JAKMIP2: variants seen among roughly 807,000 people sequenced by gnomAD.
The protein encoded by JAKMIP2 is janus kinase and microtubule interacting protein 2.
In JAKMIP2, 25 loss-of-function variants were observed where a neutral mutation model predicts 115.0. The observed-to-expected ratio is 0.22, with a 90% CI of 0.16 to 0.30. JAKMIP2 has a LOEUF of 0.30. Among genes scored for constraint, JAKMIP2 ranks in the 10% least tolerant of loss-of-function variants. The pLI, the probability that JAKMIP2 is intolerant of heterozygous loss-of-function variation, is 1.00. For synonymous variants in JAKMIP2, 334 were observed against 343.6 expected, an observed-to-expected ratio of 0.97 and a Z score of 0.31; for missense variants, 642 against 957.6, an observed-to-expected ratio of 0.67 and a Z score of 4.35.
At chr5:147,735,672 G>C (rs777637265) in intron 1 of JAKMIP2, among the ~76,000 whole-genome samples, 1 of 152,122 alleles carries the variant, frequency 6.6e-6, no homozygotes, top group Non-Finnish European at 1.5e-5. Flanking sequence ...ATTATTACAG[G>C]CATCATCTTT....
intron 1 of JAKMIP2, among the ~76,000 whole-genome samples, chr5:147,703,203 T>C (rs1752440666): frequency 6.6e-6 from 1 of 152,150 alleles, no homozygotes; most frequent in African/African-American, 2.4e-5. Flanking sequence ...TAGAATGTAC[T>C]TATACAAACC....
rs75754951 is a variant in JAKMIP2 at position 147,592,900 on chromosome 5, C to T, written c.*21-1214G>A. The stretch of plus-strand genomic sequence containing the variant: ...GGCATATTTGCAGAGCCATTTTGCT[C>T]CCAAGACAAGGTTAGACTGGGATGG... On this transcript the variant is annotated intron_variant, in intron 21 of 21. Coordinates refer to ENST00000616793, the MANE Select transcript of JAKMIP2 (RefSeq NM_001270941.2). Among the ~76,000 whole-genome samples, 948 of 152,218 alleles carry T rather than the reference C, an allele frequency of 6.2e-3. 52 individuals are homozygous for T. The East Asian group carries it at 0.13, about 21-fold the overall frequency.
At chr5:147,651,112 T>C (rs1758375482) in intron 3 of JAKMIP2, among the ~76,000 whole-genome samples, 1 of 152,208 alleles carries the variant, frequency 6.6e-6, no homozygotes, top group Admixed American at 6.5e-5. Context: ...TCATGTGTTA[T>C]ATCTCTTTCT....
At chr5:147,700,454 G>A (rs1325387783) in intron 1 of JAKMIP2, among the ~76,000 whole-genome samples, 1 of 151,998 alleles carries the variant, frequency 6.6e-6, no homozygotes, top group Non-Finnish European at 1.5e-5. Context: ...ATATATACAC[G>A]GTTAAGATAA....
chr5:147,646,706 C>T (rs558887210), intron 5 of JAKMIP2, among the ~76,000 whole-genome samples: 2 of 151,166 alleles, frequency 1.3e-5, no homozygotes, highest in African/African-American at 4.8e-5. Context: ...TGTATATGCA[C>T]ACTAACACTA....
chr5:147,710,023 T>C (rs1304711249), intron 1 of JAKMIP2, among the ~76,000 whole-genome samples: 1 of 152,204 alleles, frequency 6.6e-6, no homozygotes, highest in Non-Finnish European at 1.5e-5. Context: ...CTACTTGTCT[T>C]TGAAATTCTT....
intron 1 of JAKMIP2, among the ~76,000 whole-genome samples, chr5:147,688,131 A>C (rs1760659289): frequency 6.6e-6 from 1 of 152,218 alleles, no homozygotes. Context: ...CTTACAAAGA[A>C]GTCCTGTTCT....
intron 20 of JAKMIP2, among the ~76,000 whole-genome samples, chr5:147,609,786 C>T (rs948663526): frequency 6.6e-6 from 1 of 152,152 alleles, no homozygotes; most frequent in Non-Finnish European, 1.5e-5. Context: ...AACTTAGTTC[C>T]ATTCTCTCCA....
Position 147,782,576 on chromosome 5 carries a change from T to C in JAKMIP2, c.-269A>G. On this transcript the variant is annotated 5_prime_UTR_variant, in exon 1 of 22. Coordinates refer to ENST00000616793, the MANE Select transcript of JAKMIP2 (RefSeq NM_001270941.2). ...CATCAGCAGTGGCTGCCGGTTTTTTTTTTCCCTCTGTCTCTGGTTGGCGAT... is the reference window on the plus strand; with the variant it reads ...CATCAGCAGTGGCTGCCGGTTTTTTCTTTCCCTCTGTCTCTGGTTGGCGAT... The C allele has an allele frequency of 5.6e-6, 6 of 1,071,030 alleles. No homozygotes were observed. Among genetic ancestry groups the C allele is most frequent in the Non-Finnish European group, 8.3e-6 (6 of 723,204 alleles). The allele number at this position is 1,071,030 out of a possible 1,614,324, so 66.3% of individuals were successfully genotyped here.
chr5:147,596,858 T>C (rs997094796), intron 21 of JAKMIP2, among the ~76,000 whole-genome samples: 6 of 152,016 alleles, frequency 3.9e-5, no homozygotes, highest in African/African-American at 1.4e-4. Context: ...AGGAGTAAAA[T>C]TTTCCTACTA....
In JAKMIP2 at chr5:147,716,688, G is replaced by T. The variant is rs1448196467; in HGVS notation, c.-148-44734C>A. ...ATGTCCTTCGCCCACTTTTTGATGG[G>T]GTTGTTTGTTTTTTTCTTGTAAATT... On this transcript the variant is annotated intron_variant, in intron 1 of 21. Transcript: ENST00000616793. Among the ~76,000 whole-genome samples, 6 of 148,854 alleles carry T rather than the reference G, an allele frequency of 4.0e-5. No individual in the cohort carries two copies. In the East Asian group the frequency reaches 1.2e-3, roughly 30 times the overall value.
intron 1 of JAKMIP2, among the ~76,000 whole-genome samples, chr5:147,706,611 T>C (rs1752569662): frequency 6.6e-6 from 1 of 152,220 alleles, no homozygotes; most frequent in African/African-American, 2.4e-5. Flanking sequence ...TAGAAATCTT[T>C]GTATATTCTA....
chr5:147,727,131 T>C (rs569978045), intron 1 of JAKMIP2, among the ~76,000 whole-genome samples: 107 of 152,362 alleles, frequency 7.0e-4, no homozygotes, highest in African/African-American at 2.4e-3. Flanking sequence ...TGGCTTCATT[T>C]CTTGAATCTT....
chr5:147,775,572 A>G (rs908068614), intron 1 of JAKMIP2, among the ~76,000 whole-genome samples: 3 of 152,228 alleles, frequency 2.0e-5, no homozygotes, highest in African/African-American at 7.2e-5. Flanking sequence ...GCATGTAGTG[A>G]GCAGTCTTTA....
At chr5:147,605,752 T>A (rs955419874) in intron 20 of JAKMIP2, among the ~76,000 whole-genome samples, 26 of 152,186 alleles carry the variant, frequency 1.7e-4, no homozygotes, top group African/African-American at 5.8e-4. Flanking sequence ...CCTTGAGGAA[T>A]CACCACACTG....
At chr5:147,779,828 C>A (rs1755692325) in intron 1 of JAKMIP2, among the ~76,000 whole-genome samples, 1 of 152,104 alleles carries the variant, frequency 6.6e-6, no homozygotes, top group South Asian at 2.1e-4. Flanking sequence ...ACATCCTAGA[C>A]AAATGCATAT....
intron 20 of JAKMIP2, among the ~76,000 whole-genome samples, chr5:147,607,086 G>T (rs1445294416): frequency 6.6e-6 from 1 of 152,088 alleles, no homozygotes; most frequent in African/African-American, 2.4e-5. Flanking sequence ...GAGACAATGG[G>T]GTTTTCTAAA....
In JAKMIP2 at chr5:147,643,921, T is replaced by C. The variant is rs1353038284; in HGVS notation, c.1224+137A>G. 5.2e-6 allele frequency: 3 copies of C among 582,062 alleles called. No homozygotes were observed. The African/African-American group carries it at 5.6e-5, about 11-fold the overall frequency. 36.1% of individuals were successfully genotyped at this position (582,062 alleles called of 1,614,324 possible). On this transcript the variant is annotated intron_variant, in intron 7 of 21. Transcript: ENST00000616793. ...CAATATAAAATATTGGAATACAGTC[T>C]CTAGAACAAAATTACATATTTAACA...
intron 19 of JAKMIP2, among the ~76,000 whole-genome samples, chr5:147,614,272 G>A (rs964962512): frequency 4.6e-5 from 7 of 152,154 alleles, no homozygotes; most frequent in Admixed American, 1.3e-4. Flanking sequence ...AATAGAAAAG[G>A]TAAACAATGG....
Sources: allele counts gnomAD v4.1 joint callset (sites outside exome capture counted in the v4.1 genomes callset), GRCh38; gene constraint gnomAD v4.1.1; transcripts MANE v1.5; gene names NCBI Gene and HGNC (gene_info 2026-07-23, HGNC 2026-07-21).